Variants in CHM observed in about 807,000 individuals in gnomAD.
CHM encodes the protein rab proteins geranylgeranyltransferase component A 1.
In CHM, 10 loss-of-function variants were observed where a neutral mutation model predicts 49.0. The ratio of observed to expected loss-of-function variants is 0.20; its 90% confidence interval spans 0.13 to 0.35. CHM has a LOEUF of 0.35. Among genes scored for constraint, CHM ranks in the 10% least tolerant of loss-of-function variants. The pLI is 1.00. For synonymous variants in CHM, 184 were observed against 167.5 expected (o/e 1.10, Z -0.76); for missense variants, 455 against 478.4 (o/e 0.95, Z 0.46).
intron 9 of CHM, among the ~76,000 whole-genome samples, chrX:85,905,748 T>C (rs948354091): frequency 2.1e-4 from 23 of 111,216 alleles, no homozygotes; most frequent in Non-Finnish European, 3.6e-4. Flanking sequence ...CAGAGACCCA[T>C]GAACAGATCA....
chrX:85,982,164 T>A (rs1474124026), intron 2 of CHM, among the ~76,000 whole-genome samples: 3 of 111,768 alleles, frequency 2.7e-5, no homozygotes, highest in African/African-American at 9.8e-5. Flanking sequence ...AAGAAAACCT[T>A]GATAGATCTC....
intron 2 of CHM, among the ~76,000 whole-genome samples, chrX:85,984,476 T>A (rs1931803192): frequency 1.8e-5 from 2 of 111,755 alleles, no homozygotes; most frequent in Non-Finnish European, 1.9e-5. Flanking sequence ...GGTATTGATG[T>A]GGATGGCCAG....
At chrX:85,982,007 C>T (rs1477446970) in intron 2 of CHM, among the ~76,000 whole-genome samples, 198 bp from the exon 3 acceptor site, 1 of 111,071 alleles carries the variant, frequency 9.0e-6, no homozygotes, top group Non-Finnish European at 1.9e-5. Context: ...TCTCAGATCC[C>T]AAAAGAAATG....
At chrX:85,974,885 T>C (rs1931166029) in intron 4 of CHM, among the ~76,000 whole-genome samples, 1 of 111,173 alleles carries the variant, frequency 9.0e-6, no homozygotes. Context: ...AATATCCTAT[T>C]TAAAGAGGAT....
intron 8 of CHM, among the ~76,000 whole-genome samples, chrX:85,922,321 T>G (rs1284917719): frequency 8.9e-6 from 1 of 112,611 alleles, no homozygotes; most frequent in African/African-American, 3.2e-5. Flanking sequence ...CCCTTTTTTT[T>G]CTTCCTTTCT....
At chrX:85,870,938 C>G (rs1924014495) in intron 14 of CHM, among the ~76,000 whole-genome samples, 1 of 110,932 alleles carries the variant, frequency 9.0e-6, no homozygotes, top group Non-Finnish European at 1.9e-5. Context: ...TTACATTACT[C>G]AACCTCTATA....
chrX:85,964,110 T>C, intron 4 of CHM, 58 bp from the exon 5 acceptor site: 1 of 1,068,479 alleles, frequency 9.4e-7, no homozygotes, highest in Non-Finnish European at 1.3e-6. Context: ...CTTACCCCTT[T>C]TATCAAGTTC....
chrX:85,872,435 C>T (rs1010339513), intron 14 of CHM, among the ~76,000 whole-genome samples: 6 of 111,683 alleles, frequency 5.4e-5, no homozygotes, highest in African/African-American at 2.0e-4. Flanking sequence ...CAAACTGTGC[C>T]TCTTCATAGC....
chrX:85,980,800 T>C (rs934066875), intron 3 of CHM, among the ~76,000 whole-genome samples: 2 of 111,061 alleles, frequency 1.8e-5, no homozygotes. Flanking sequence ...TATTATGCTA[T>C]ACGTGATCCC....
chrX:85,962,508 G>T (rs1930347723), intron 5 of CHM, among the ~76,000 whole-genome samples: 2 of 112,147 alleles, frequency 1.8e-5, no homozygotes, highest in South Asian at 7.5e-4. Context: ...GAGGATATGG[G>T]ATTTGCAGAA....
intron 4 of CHM, among the ~76,000 whole-genome samples, chrX:85,971,947 T>A (rs772626909): frequency 4.6e-5 from 5 of 108,151 alleles, no homozygotes; most frequent in Non-Finnish European, 7.6e-5. Flanking sequence ...GATTGGTGTG[T>A]TTACAAACCT....
At chrX:85,937,237 G>C (rs1928836044) in intron 8 of CHM, among the ~76,000 whole-genome samples, 1 of 101,346 alleles carries the variant, frequency 9.9e-6, no homozygotes, top group Admixed American at 1.1e-4. Context: ...CTACACTCCA[G>C]CCTGGTGACA....
At chrX:86,033,421 A>G (rs1934116836) in intron 1 of CHM, among the ~76,000 whole-genome samples, 1 of 112,434 alleles carries the variant, frequency 8.9e-6, no homozygotes, top group African/African-American at 3.2e-5. Flanking sequence ...TGTGTTATTT[A>G]TAACCAGTGA....
rs777571596 is a variant in CHM, at chrX:85,927,644, AAC to A, written c.1167-16308_1167-16307del. ...TTCTTTGATGTTATTAACCCCAAAC[AAC>A]AGACATTTAAATCAATATAACTCTA... On this transcript the variant is annotated intron_variant, in intron 8 of 14. Transcript: ENST00000357749. Among the ~76,000 whole-genome samples the A allele has an allele frequency of 3.6e-5, 4 of 112,241 alleles. No individual in the cohort carries two copies. The South Asian group carries it at 1.5e-3, about 41-fold the overall frequency.
rs144087554 is a variant in CHM at position 85,890,147 on chromosome X, C to T, written c.1510+4041G>A. On this transcript the variant is annotated intron_variant, in intron 12 of 14. Transcript: ENST00000357749. ...TAGAAGACCAAACCTCAGCATCATG[C>T]GATATACCCTTGTAATGAACCTGTG... Among the ~76,000 whole-genome samples the T allele has an allele frequency of 5.6e-3, 626 of 111,155 alleles. 15 individuals carry two copies. The highest frequency in any genetic ancestry group is 0.041 in the East Asian group (145 of 3,515).
chrX:85,924,612 G>C (rs1927977451), intron 8 of CHM, among the ~76,000 whole-genome samples: 1 of 111,613 alleles, frequency 9.0e-6, no homozygotes, highest in Admixed American at 9.5e-5. Flanking sequence ...AATACTCTGG[G>C]TACTAATTTC....
At chrX:85,930,895 C>A (rs1928387682) in intron 8 of CHM, among the ~76,000 whole-genome samples, 1 of 111,769 alleles carries the variant, frequency 8.9e-6, no homozygotes, top group Non-Finnish European at 1.9e-5. Flanking sequence ...ATTTGCAACA[C>A]TGGAAGCCAC....
chrX:85,907,137 G>GA (rs1024114652), intron 9 of CHM, among the ~76,000 whole-genome samples: 4 of 110,042 alleles, frequency 3.6e-5, no homozygotes, highest in African/African-American at 6.7e-5. Flanking sequence ...CTCAAAAATA[G>GA]AAAAAAAGAA....
chrX:85,910,322 T>C (rs185441894), intron 9 of CHM, among the ~76,000 whole-genome samples: 1 of 111,666 alleles, frequency 9.0e-6, no homozygotes, highest in East Asian at 2.8e-4. Context: ...GTTCAAATAT[T>C]AAAATGTTTT....
Sources: gnomAD v4.1 joint callset for allele counts (sites outside exome capture counted in the v4.1 genomes callset) on GRCh38, gnomAD v4.1.1 for gene constraint, MANE v1.5 for transcripts, NCBI Gene and HGNC (gene_info 2026-07-23, HGNC 2026-07-21) for gene names.